PTPRG: variants seen among roughly 807,000 people sequenced by gnomAD.
PTPRG encodes the protein receptor-type tyrosine-protein phosphatase gamma.
In PTPRG, 102 loss-of-function variants were observed where a neutral mutation model predicts 165.3. The observed-to-expected ratio is 0.62, with a 90% CI of 0.53 to 0.73. PTPRG has a LOEUF of 0.73. Among genes scored for constraint, PTPRG ranks in the 30% least tolerant of loss-of-function variants. The probability of loss-of-function intolerance (pLI) is 0.00; values close to 1 mark genes in which losing one functional copy is unlikely to be tolerated. For synonymous variants in PTPRG, 675 were observed against 669.5 expected, an observed-to-expected ratio of 1.01 and a Z score of -0.13; for missense variants, 1,866 against 1,861.4, an observed-to-expected ratio of 1.00 and a Z score of -0.05.
intron 13 of PTPRG, among the ~76,000 whole-genome samples, chr3:62,220,565 T>C (rs10510873): frequency 0.063 from 9,617 of 152,198 alleles, 397 homozygotes; most frequent in South Asian, 0.18. Context: ...CATCTCAGGT[T>C]TCCTCGGGCG....
intron 5 of PTPRG, among the ~76,000 whole-genome samples, chr3:62,094,480 G>A (rs1426311573): frequency 1.3e-5 from 2 of 152,174 alleles, no homozygotes; most frequent in Admixed American, 6.5e-5. Context: ...TGAGAGCTTC[G>A]TGTTTTCCAC....
intron 1 of PTPRG, among the ~76,000 whole-genome samples, chr3:61,586,575 T>A (rs1188571766): frequency 6.6e-6 from 1 of 152,248 alleles, no homozygotes. Context: ...CCAACATTAC[T>A]GAAAAGTTGC....
intron 2 of PTPRG, among the ~76,000 whole-genome samples, chr3:61,802,951 T>G (rs762028712): frequency 3.9e-5 from 6 of 152,232 alleles, no homozygotes; most frequent in African/African-American, 1.4e-4. Flanking sequence ...TCTTCTTCTT[T>G]ATAGGGAACT....
intron 1 of PTPRG, among the ~76,000 whole-genome samples, chr3:61,734,033 C>T (rs1163818984): frequency 6.6e-6 from 1 of 152,186 alleles, no homozygotes; most frequent in Non-Finnish European, 1.5e-5. Flanking sequence ...CCGCCTGCCT[C>T]GGCTTTCCAA....
chr3:62,080,659 T>C (rs1701540379), intron 5 of PTPRG, among the ~76,000 whole-genome samples: 1 of 152,218 alleles, frequency 6.6e-6, no homozygotes, highest in South Asian at 2.1e-4. Context: ...TTAATGTTTT[T>C]ATGAGTACTG....
At chr3:61,608,127 A>G (rs1300870214) in intron 1 of PTPRG, among the ~76,000 whole-genome samples, 13 of 152,204 alleles carry the variant, frequency 8.5e-5, no homozygotes, top group Non-Finnish European at 8.8e-5. Flanking sequence ...TTGCCAGGGC[A>G]GAAGGCTTAT....
intron 2 of PTPRG, among the ~76,000 whole-genome samples, chr3:61,919,494 A>G (rs1304277230): frequency 6.6e-6 from 1 of 152,152 alleles, no homozygotes; most frequent in Non-Finnish European, 1.5e-5. Context: ...GCCTCCCTCC[A>G]CGATGGAGTT....
intron 2 of PTPRG, among the ~76,000 whole-genome samples, chr3:61,950,372 A>G (rs1192136899): frequency 1.3e-5 from 2 of 152,174 alleles, no homozygotes; most frequent in Non-Finnish European, 2.9e-5. Flanking sequence ...AACTTCTGGG[A>G]GTTCCAGTCT....
rs1702152409 is a variant in PTPRG, at chr3:61,644,583, GC to G, written c.85+82216del. ...ACGCATCTCGTATTTGTGCACACAC[GC>G]CCCCACTGCCCCCTTTTTGTTCCAT... On this transcript the variant is annotated intron_variant, in intron 1 of 29. Coordinates refer to ENST00000474889, the MANE Select transcript of PTPRG (RefSeq NM_002841.4). Among the ~76,000 whole-genome samples, 6 of 152,176 alleles carry G rather than the reference GC, an allele frequency of 3.9e-5. No individual in the cohort carries two copies. The South Asian group carries it at 1.2e-3, about 32-fold the overall frequency.
chr3:62,293,259 TA>T lies in PTPRG; in HGVS notation c.4291del (p.Ile1431LeufsTer14). The T allele has an allele frequency of 6.2e-7, 1 of 1,611,190 alleles. No homozygotes were observed. The highest frequency in any genetic ancestry group is 1.1e-5 in the South Asian group (1 of 90,468). ...CAGTAGACAAAAATGGTGCTGTTCTTATTGCAGATGAATCAGACCCTGCTGA... is the reference window on the plus strand; with the variant it reads ...CAGTAGACAAAAATGGTGCTGTTCTTTTGCAGATGAATCAGACCCTGCTGA... ...MTVDKNGAVL[I>X]ADESDPAESM... On this transcript the variant is annotated frameshift_variant, in exon 30 of 30. Transcript: ENST00000474889. LOFTEE classifies it high-confidence loss of function.
At chr3:62,029,898 C>T (rs574324669) in intron 4 of PTPRG, among the ~76,000 whole-genome samples, 18 of 152,288 alleles carry the variant, frequency 1.2e-4, no homozygotes, top group African/African-American at 4.3e-4. Flanking sequence ...GGCCACCTTC[C>T]ACCTGTCACA....
chr3:61,770,662 C>G (rs1370442913), intron 2 of PTPRG: 1 of 152,026 alleles, frequency 6.6e-6, no homozygotes, highest in African/African-American at 2.4e-5. Flanking sequence ...TTTAAATGAT[C>G]TTTGATTTGA....
intron 1 of PTPRG, among the ~76,000 whole-genome samples, chr3:61,660,318 G>A (rs1702622419): frequency 6.6e-6 from 1 of 152,232 alleles, no homozygotes. Context: ...TGTTTTGGGA[G>A]TTTTAATGCA....
intron 19 of PTPRG, 119 bp from the exon 20 acceptor site, chr3:62,268,916 T>C: frequency 8.6e-7 from 1 of 1,164,296 alleles, no homozygotes; most frequent in Non-Finnish European, 1.2e-6. Context: ...ACGTATTCCT[T>C]TTTCAGTCAA....
chr3:61,589,881 C>G (rs920585619), intron 1 of PTPRG, among the ~76,000 whole-genome samples: 2 of 152,024 alleles, frequency 1.3e-5, no homozygotes, highest in Admixed American at 6.5e-5. Context: ...TAGTCAGGGT[C>G]AGTTACTAGA....
intron 1 of PTPRG, among the ~76,000 whole-genome samples, chr3:61,634,795 CTAT>C (rs1258966823): frequency 6.6e-6 from 1 of 152,074 alleles, no homozygotes; most frequent in Non-Finnish European, 1.5e-5. Flanking sequence ...GGATGTTTCT[CTAT>C]AAGTCTGAGA....
intron 5 of PTPRG, among the ~76,000 whole-genome samples, chr3:62,099,395 A>G (rs1001338104): frequency 6.6e-6 from 1 of 152,240 alleles, no homozygotes; most frequent in African/African-American, 2.4e-5. Context: ...TTCAAATACT[A>G]GAAAAGTTGT....
intron 4 of PTPRG, among the ~76,000 whole-genome samples, chr3:62,048,498 C>CTATG (rs1700367180): frequency 6.6e-6 from 1 of 152,340 alleles, no homozygotes; most frequent in African/African-American, 2.4e-5. Flanking sequence ...ACTGCAATCG[C>CTATG]TATGTGTACC....
chr3:61,687,772 G>C (rs1345740698), intron 1 of PTPRG, among the ~76,000 whole-genome samples: 1 of 152,148 alleles, frequency 6.6e-6, no homozygotes, highest in Non-Finnish European at 1.5e-5. Context: ...TGTGTAAAAT[G>C]TGCAGCAATA....
Sources: gnomAD v4.1 joint callset for allele counts (sites outside exome capture counted in the v4.1 genomes callset) on GRCh38, gnomAD v4.1.1 for gene constraint, MANE v1.5 for transcripts, NCBI Gene and HGNC (gene_info 2026-07-23, HGNC 2026-07-21) for gene names.